The following TENM2 variants were observed in gnomAD, a reference collection of about 807,000 sequenced individuals.
The protein encoded by TENM2 is teneurin-2.
In TENM2, 52 loss-of-function variants were observed where a neutral mutation model predicts 245.2. That is an observed-to-expected ratio of 0.21 (90% CI 0.17 to 0.27). TENM2 has a LOEUF of 0.27. TENM2 is among the 10% of genes least tolerant of loss of function. The pLI is 1.00. For synonymous variants in TENM2, 1,363 were observed against 1,438.9 expected (o/e 0.95, Z 1.19); for missense variants, 3,046 against 3,666.8 (o/e 0.83, Z 4.37).
intron 27 of TENM2, among the ~76,000 whole-genome samples, chr5:168,259,933 A>G (rs1768033593): frequency 6.6e-6 from 1 of 152,210 alleles, no homozygotes; most frequent in Admixed American, 6.5e-5. Context: ...AATGAGACCG[A>G]CACAATTATT....
At chr5:167,003,638 C>A in the TENM2 span, among the ~76,000 whole-genome samples, 1 of 152,012 alleles carries the variant, frequency 6.6e-6, no homozygotes, top group African/African-American at 2.4e-5. Flanking sequence ...TTGGTAAAGT[C>A]GAACTTTTTT....
intron 9 of TENM2, among the ~76,000 whole-genome samples, chr5:168,108,913 G>A (rs72824999): frequency 0.18 from 27,739 of 152,088 alleles, 2,744 homozygotes; most frequent in Admixed American, 0.25. Context: ...GGTCCTCCCC[G>A]TCACCAGGAA....
At chr5:167,704,008 TTAA>T (rs1758339622) in intron 2 of TENM2, among the ~76,000 whole-genome samples, 1 of 152,188 alleles carries the variant, frequency 6.6e-6, no homozygotes, top group Non-Finnish European at 1.5e-5. Context: ...AGCTTTTGTC[TTAA>T]TAAGAGAAGA....
intron 12 of TENM2, among the ~76,000 whole-genome samples, chr5:168,154,171 A>AAAAC (rs1291749559): frequency 6.7e-6 from 1 of 149,150 alleles, no homozygotes; most frequent in African/African-American, 2.5e-5. Context: ...AAAAAACAGT[A>AAAAC]AGAGCTTGAA....
At chr5:167,218,059 T>G in the TENM2 span, among the ~76,000 whole-genome samples, 1 of 152,152 alleles carries the variant, frequency 6.6e-6, no homozygotes, top group East Asian at 1.9e-4. Flanking sequence ...CTTTATGAGA[T>G]GTAATGCCAA....
At chr5:167,032,546 A>G in the TENM2 span, among the ~76,000 whole-genome samples, 2 of 152,196 alleles carry the variant, frequency 1.3e-5, no homozygotes, top group Non-Finnish European at 2.9e-5. Flanking sequence ...TCTTGAACAC[A>G]GCTATGAATA....
chr5:167,975,728 T>C (rs573986240), intron 4 of TENM2, among the ~76,000 whole-genome samples: 12 of 152,178 alleles, frequency 7.9e-5, no homozygotes, highest in African/African-American at 2.9e-4. Flanking sequence ...TGAGTAAATA[T>C]GCAGATAGGG....
chr5:167,828,662 A>G (rs1457680006), intron 2 of TENM2, among the ~76,000 whole-genome samples: 1 of 152,190 alleles, frequency 6.6e-6, no homozygotes, highest in Non-Finnish European at 1.5e-5. Flanking sequence ...TAGACGAAAA[A>G]ATATATTTAT....
intron 2 of TENM2, among the ~76,000 whole-genome samples, chr5:167,744,861 G>T (rs1377114887): frequency 6.6e-6 from 1 of 151,728 alleles, no homozygotes; most frequent in Non-Finnish European, 1.5e-5. Context: ...ACCGTGATGG[G>T]TTTAGTATCC....
chr5:167,898,024 A>T (rs1775367713), intron 3 of TENM2, among the ~76,000 whole-genome samples: 1 of 151,580 alleles, frequency 6.6e-6, no homozygotes, highest in Non-Finnish European at 1.5e-5. Context: ...AGAAGACATG[A>T]CTTCCCCCTA....
Position 168,203,836 on chromosome 5 carries a change from C to T in TENM2, c.3574+4C>T, listed in dbSNP as rs768074049. 19 of 1,600,200 alleles carry T rather than the reference C, an allele frequency of 1.2e-5. No individual in the cohort carries two copies. The highest frequency in any genetic ancestry group is 1.7e-4 in the Middle Eastern group (1 of 6,002). On this transcript the variant is annotated splice_donor_region_variant and intron_variant, in intron 18 of 28. Coordinates refer to ENST00000518659, the Ensembl canonical transcript of TENM2. The stretch of plus-strand genomic sequence containing the variant: ...CACATCCTCAATGTTAAAAGTGGTA[C>T]GTGAACACATCTTCTTTCCCAAATA...
intron 3 of TENM2, among the ~76,000 whole-genome samples, chr5:167,897,505 C>T (rs907434334): frequency 2.0e-5 from 3 of 152,234 alleles, no homozygotes; most frequent in Non-Finnish European, 2.9e-5. Flanking sequence ...TATTCATCAT[C>T]TTCCTTTCTT....
chr5:168,030,158 C>CTTTTTTTTTTTTTTTTTTTTTTTTTCTTT (rs1786989433), intron 5 of TENM2, among the ~76,000 whole-genome samples: 1 of 65,294 alleles, frequency 1.5e-5, no homozygotes, highest in African/African-American at 7.2e-5. Flanking sequence ...GGTTCTGGCT[C>CTTTTTTTTTTTTTTTTTTTTTTTTTCTTT]TTTTTTTTTT....
At chr5:168,228,709 A>G (rs1764507125) in intron 25 of TENM2, among the ~76,000 whole-genome samples, 1 of 152,196 alleles carries the variant, frequency 6.6e-6, no homozygotes, top group African/African-American at 2.4e-5. Context: ...GAGGGATGCC[A>G]CTCAGCCTGA....
chr5:167,476,664 TCTTGG>T (rs1767403439), intron 2 of TENM2, among the ~76,000 whole-genome samples: 1 of 152,188 alleles, frequency 6.6e-6, no homozygotes, highest in East Asian at 1.9e-4. Flanking sequence ...AATGGCATGG[TCTTGG>T]CTCACTGCAA....
intron 2 of TENM2, among the ~76,000 whole-genome samples, chr5:167,691,486 C>T (rs1433384058): frequency 6.6e-6 from 1 of 152,170 alleles, no homozygotes; most frequent in East Asian, 1.9e-4. Context: ...CAGGTGTTTA[C>T]CCAGTTAAGA....
At chr5:167,494,205 A>G (rs2127546824) in intron 2 of TENM2, among the ~76,000 whole-genome samples, 1 of 152,236 alleles carries the variant, frequency 6.6e-6, no homozygotes, top group East Asian at 1.9e-4. Flanking sequence ...ACACAAGATG[A>G]CCGCTATCAC....
intron 2 of TENM2, among the ~76,000 whole-genome samples, chr5:167,734,977 C>T (rs1760701808): frequency 6.6e-6 from 1 of 152,158 alleles, no homozygotes; most frequent in Non-Finnish European, 1.5e-5. Flanking sequence ...AACAGGGTCT[C>T]CAAATATCCA....
At chr5:167,578,300 T>C (rs1774852618) in intron 2 of TENM2, among the ~76,000 whole-genome samples, 1 of 152,214 alleles carries the variant, frequency 6.6e-6, no homozygotes, top group East Asian at 1.9e-4. Context: ...CTTGTAGCAA[T>C]GCTGTTGAGA....
Sources: gnomAD v4.1 joint callset for allele counts (sites outside exome capture counted in the v4.1 genomes callset) on GRCh38, gnomAD v4.1.1 for gene constraint, MANE v1.5 for transcripts, NCBI Gene and HGNC (gene_info 2026-07-23, HGNC 2026-07-21) for gene names.